NEGR1: variants seen among roughly 807,000 people sequenced by gnomAD.
The protein encoded by NEGR1 is IgLON family member 4.
A neutral mutation model predicts 40.9 loss-of-function variants in NEGR1; 10 were observed. That is an observed-to-expected ratio of 0.24 (90% CI 0.15 to 0.42). The LOEUF (loss-of-function observed/expected upper bound fraction) is 0.42. Among genes scored for constraint, NEGR1 ranks in the 10% least tolerant of loss-of-function variants. The pLI, the probability that NEGR1 is intolerant of heterozygous loss-of-function variation, is 1.00. For missense variants in NEGR1, 352 were observed against 438.9 expected (o/e 0.80, Z 1.77); for synonymous variants, 185 against 166.8 (o/e 1.11, Z -0.84).
intron 6 of NEGR1, among the ~76,000 whole-genome samples, chr1:71,485,695 C>G (rs1345195516): frequency 6.6e-6 from 1 of 151,680 alleles, no homozygotes; most frequent in Non-Finnish European, 1.5e-5. Context: ...TAGTAGGTAG[C>G]CTTTTCAGAC....
chr1:71,438,358 A>G (rs1646523805), intron 6 of NEGR1, among the ~76,000 whole-genome samples: 1 of 152,218 alleles, frequency 6.6e-6, no homozygotes, highest in South Asian at 2.1e-4. Context: ...ATGCAAGTCT[A>G]TCAAATTATA....
intron 1 of NEGR1, among the ~76,000 whole-genome samples, chr1:72,088,186 A>G (rs1648300498): frequency 6.6e-6 from 1 of 152,168 alleles, no homozygotes; most frequent in South Asian, 2.1e-4. Flanking sequence ...GAAATCATAG[A>G]GCAGGAAGAT....
intron 1 of NEGR1, among the ~76,000 whole-genome samples, chr1:71,945,833 G>A (rs927010253): frequency 3.9e-5 from 6 of 152,052 alleles, no homozygotes; most frequent in African/African-American, 1.2e-4. Context: ...TTCTATTTTG[G>A]TATAAGATCA....
chr1:71,861,954 AC>A (rs1322989667), intron 2 of NEGR1, among the ~76,000 whole-genome samples: 1 of 152,110 alleles, frequency 6.6e-6, no homozygotes, highest in East Asian at 1.9e-4. Context: ...GACATTATAT[AC>A]TTTTTGCACA....
At chr1:71,707,906 C>G (rs1653959326) in intron 3 of NEGR1, among the ~76,000 whole-genome samples, 1 of 152,092 alleles carries the variant, frequency 6.6e-6, no homozygotes, top group African/African-American at 2.4e-5. Flanking sequence ...ACCATCAAGG[C>G]AATTCCTCTA....
intron 1 of NEGR1, among the ~76,000 whole-genome samples, chr1:72,006,289 T>C (rs1646605804): frequency 2.0e-5 from 3 of 152,278 alleles, no homozygotes; most frequent in African/African-American, 4.8e-5. Flanking sequence ...TAAAATGACA[T>C]GGTAAATTTG....
intron 2 of NEGR1, among the ~76,000 whole-genome samples, chr1:71,806,872 G>A (rs907095730): frequency 4.7e-5 from 7 of 149,238 alleles, no homozygotes; most frequent in Admixed American, 4.0e-4. Context: ...TAAGTACTGC[G>A]CAAACATGTC....
intron 2 of NEGR1, among the ~76,000 whole-genome samples, chr1:71,808,894 C>A (rs1422428830): frequency 6.6e-6 from 1 of 152,136 alleles, no homozygotes; most frequent in Non-Finnish European, 1.5e-5. Flanking sequence ...ACACTAACAA[C>A]ACCTCTCTAT....
At chr1:71,927,879 T>C (rs1222919039) in intron 2 of NEGR1, among the ~76,000 whole-genome samples, 2 of 126,854 alleles carry the variant, frequency 1.6e-5, no homozygotes, top group Non-Finnish European at 3.2e-5. Context: ...GCACCTGTAG[T>C]CCCAGTTACA....
intron 4 of NEGR1, among the ~76,000 whole-genome samples, chr1:71,692,842 C>G (rs1398865011): frequency 1.3e-5 from 2 of 151,718 alleles, no homozygotes; most frequent in African/African-American, 2.4e-5. Context: ...TCACAGCACA[C>G]CCAAAAATGA....
At chr1:71,917,660 C>T (rs899023885) in intron 2 of NEGR1, among the ~76,000 whole-genome samples, 19 of 150,030 alleles carry the variant, frequency 1.3e-4, no homozygotes, top group Admixed American at 7.3e-4. Flanking sequence ...CGCCTGTAGT[C>T]GCCAGCTACT....
intron 1 of NEGR1, among the ~76,000 whole-genome samples, chr1:72,092,535 A>G (rs1255428375): frequency 6.6e-6 from 1 of 152,188 alleles, no homozygotes; most frequent in Non-Finnish European, 1.5e-5. Context: ...CTTAACATGA[A>G]TGACATAATC....
chr1:72,200,040 G>A (rs1174826846), intron 1 of NEGR1, among the ~76,000 whole-genome samples: 3 of 151,892 alleles, frequency 2.0e-5, no homozygotes, highest in Admixed American at 6.6e-5. Flanking sequence ...GGCAGGTGAG[G>A]TGCCAAGAAA....
At chr1:71,996,827 G>C (rs1646508665) in intron 1 of NEGR1, among the ~76,000 whole-genome samples, 1 of 151,980 alleles carries the variant, frequency 6.6e-6, no homozygotes, top group African/African-American at 2.4e-5. Flanking sequence ...TTTACATTCT[G>C]AGTAAGGTGC....
intron 1 of NEGR1, among the ~76,000 whole-genome samples, chr1:72,055,384 A>AATTT (rs1347209370): frequency 6.6e-6 from 1 of 151,192 alleles, no homozygotes; most frequent in Non-Finnish European, 1.5e-5. Context: ...ATCTTCTTTT[A>AATTT]ATTTAGTATC....
At chr1:72,126,176 A>T (rs111672728) in intron 1 of NEGR1, among the ~76,000 whole-genome samples, 9 of 151,470 alleles carry the variant, frequency 5.9e-5, no homozygotes, top group African/African-American at 1.9e-4. Context: ...AGGGAGAGAG[A>T]ACGCATTTTA....
chr1:72,195,755 T>C (rs548371621), intron 1 of NEGR1, among the ~76,000 whole-genome samples: 11 of 152,158 alleles, frequency 7.2e-5, no homozygotes, highest in African/African-American at 2.6e-4. Context: ...TAGGAATGAT[T>C]GATACCTTTT....
At chr1:71,839,740 A>C (rs1557672559) in intron 2 of NEGR1, among the ~76,000 whole-genome samples, 1 of 152,140 alleles carries the variant, frequency 6.6e-6, no homozygotes, top group Non-Finnish European at 1.5e-5. Flanking sequence ...AGGACATTTA[A>C]ACTACTCTTC....
rs959161400 is a variant in NEGR1, at chr1:71,490,721, A to G, written c.941-83151T>C. Among the ~76,000 whole-genome samples, 3 of 151,986 alleles carry G rather than the reference A, an allele frequency of 2.0e-5. No individual in the cohort carries two copies. The East Asian group carries it at 5.8e-4, about 29-fold the overall frequency. On this transcript the variant is annotated intron_variant, in intron 6 of 6. Coordinates refer to ENST00000357731, the MANE Select transcript of NEGR1 (RefSeq NM_173808.3). ...CACTGATGAAACGAAACACAGAAGA[A>G]AAAATTGCTTATCTTCCTTTGGCCA...
Sources: allele counts gnomAD v4.1 joint callset (sites outside exome capture counted in the v4.1 genomes callset), GRCh38; gene constraint gnomAD v4.1.1; transcripts MANE v1.5; gene names NCBI Gene and HGNC (gene_info 2026-07-23, HGNC 2026-07-21).